The following RGN variants were observed in gnomAD, a reference collection of about 807,000 sequenced individuals.
RGN encodes epididymis secretory protein Li 41.
Under a neutral mutation model 20.6 loss-of-function variants are expected in RGN, and 19 were observed. That is an observed-to-expected ratio of 0.92 (90% confidence interval 0.64 to 1.35). The LOEUF is 1.35. Ranked by LOEUF, RGN falls within the 40% of genes most tolerant of loss-of-function variation. The pLI, the probability that RGN is intolerant of heterozygous loss-of-function variation, is 0.00. For missense variants in RGN, 302 were observed against 232.7 expected (o/e 1.30, Z -1.94); for synonymous variants, 85 against 87.2 (o/e 0.97, Z 0.14).
At chrX:47,091,545 A>T in intron 5 of RGN, 133 bp from the exon 6 acceptor site, 1 of 670,522 alleles carries the variant, frequency 1.5e-6, no homozygotes, top group Non-Finnish European at 2.1e-6. Flanking sequence ...TCCTTTGTTC[A>T]CATGCCAGAC....
At chrX:47,084,307 T>A in intron 3 of RGN, 111 bp from the exon 4 acceptor site, 1 of 606,577 alleles carries the variant, frequency 1.6e-6, no homozygotes, top group Non-Finnish European at 2.5e-6. Context: ...AGCGCTCCCA[T>A]TGTCACGAGA....
At chrX:47,092,645 AG>A (rs1556388368) in intron 7 of RGN, among the ~76,000 whole-genome samples, 2 of 112,248 alleles carry the variant, frequency 1.8e-5, no homozygotes, top group Non-Finnish European at 1.9e-5. Flanking sequence ...CCCCTTTCTT[AG>A]CAGGCGGCAG....
In RGN at chrX:47,081,247, C is replaced by T; in HGVS notation, c.103C>T (p.Pro35Ser). The T allele has an allele frequency of 1.7e-6, 2 of 1,209,704 alleles. No homozygotes were observed. Among genetic ancestry groups the T allele is most frequent in the Non-Finnish European group, 2.2e-6 (2 of 893,969 alleles). Reference protein sequence around the residue: ...VSNSLLFVDIPAKKVCRWDSF... With the variant: ...VSNSLLFVDISAKKVCRWDSF... Reference sequence around the variant, plus strand: ...CAACTCTCTGCTCTTTGTAGACATTCCTGCAAAAAAGGTTTGCCGGTGGGA... The same window carrying T: ...CAACTCTCTGCTCTTTGTAGACATTTCTGCAAAAAAGGTTTGCCGGTGGGA... The change falls in exon 3 of 8, where the codon CCT (proline) becomes TCT (serine). Residue 35 changes from proline to serine, a missense_variant. Pro to Ser is a moderately conservative substitution (Grantham distance 74). Coordinates refer to ENST00000397180, the MANE Select transcript of RGN (RefSeq NM_152869.4).
At chrX:47,092,284 T>G in intron 7 of RGN, 69 bp downstream of exon 7, 1 of 930,722 alleles carries the variant, frequency 1.1e-6, no homozygotes, top group Non-Finnish European at 1.5e-6. Context: ...AGTAACTGAG[T>G]GATTGGTACT....
At chrX:47,083,276 G>A (rs1430806468) in intron 3 of RGN, among the ~76,000 whole-genome samples, 2 of 108,688 alleles carry the variant, frequency 1.8e-5, no homozygotes, top group Admixed American at 2.0e-4. Context: ...AGCACAGCCT[G>A]TAGTCCCAGC....
Position 47,093,034 on chromosome X carries a change from A to T in RGN, c.*87A>T. On this transcript the variant is annotated 3_prime_UTR_variant, in exon 8 of 8. Coordinates refer to ENST00000397180, the MANE Select transcript of RGN (RefSeq NM_152869.4). Reference sequence around the variant, plus strand: ...AATTTCAATCTAGTTAGAAAGAAAAATGAGGCAATGATTTTATTAACAGCG... The same window carrying T: ...AATTTCAATCTAGTTAGAAAGAAAATTGAGGCAATGATTTTATTAACAGCG... 1.4e-6 allele frequency: 1 copy of T among 709,956 alleles called. No individual in the cohort carries two copies. The allele number at this position is 709,956 out of a possible 1,213,427, so 58.5% of individuals were successfully genotyped here.
Position 47,080,824 on chromosome X carries a change from C to T in RGN, c.-128C>T. The T allele has an allele frequency of 4.7e-6, 1 of 214,558 alleles. No homozygotes were observed. The highest frequency in any genetic ancestry group is 8.4e-6 in the Non-Finnish European group (1 of 119,702). 17.7% of individuals were successfully genotyped at this position (214,558 alleles called of 1,213,427 possible). On this transcript the variant is annotated 5_prime_UTR_variant, in exon 2 of 8. Coordinates refer to ENST00000397180, the MANE Select transcript of RGN (RefSeq NM_152869.4). ...CCAGGGTATTGACATAAAGGACGGC[C>T]TTGCACTATTTCAACAGCCAGTTCT... is the stretch of plus-strand genomic sequence containing the variant.
At chrX:47,090,436 C>T (rs1267146621) in intron 5 of RGN, among the ~76,000 whole-genome samples, 1 of 109,558 alleles carries the variant, frequency 9.1e-6, no homozygotes, top group Non-Finnish European at 1.9e-5. Flanking sequence ...CTTTAGTTAA[C>T]CATAGGCAAG....
rs781983504 is a variant in RGN, at chrX:47,092,108, T to C, written c.742T>C (p.Cys248Arg). ...GTTGCCTGTTGATAAAACAACTTCA[T>C]GCTGCTTTGGAGGGAAGAATTACTC... ...VKLPVDKTTS[C>R]CFGGKNYSEM... Residue 248 changes from cysteine (C) to arginine (R), a missense_variant, in exon 7 of 8, where the codon TGC (cysteine) becomes CGC (arginine). Transcript: ENST00000397180. 17 of 1,205,916 alleles carry C rather than the reference T, an allele frequency of 1.4e-5. No individual in the cohort carries two copies. Among genetic ancestry groups the C allele is most frequent in the Non-Finnish European group, 1.9e-5 (17 of 892,144 alleles).
chrX:47,086,528 T>C (rs1355792816), intron 4 of RGN, among the ~76,000 whole-genome samples: 1 of 110,529 alleles, frequency 9.0e-6, no homozygotes, highest in East Asian at 2.8e-4. Flanking sequence ...GCTGGATGGA[T>C]CCAGTTCAGG....
chrX:47,085,760 G>T (rs1930560471), intron 4 of RGN, among the ~76,000 whole-genome samples: 1 of 111,523 alleles, frequency 9.0e-6, no homozygotes, highest in South Asian at 3.8e-4. Context: ...GGGATTACAG[G>T]TGTGAGCCAC....
At chrX:47,083,680 G>A (rs939421100) in intron 3 of RGN, among the ~76,000 whole-genome samples, 2 of 111,979 alleles carry the variant, frequency 1.8e-5, no homozygotes, top group African/African-American at 6.5e-5. Flanking sequence ...TGAGGCCAAG[G>A]CGGGTGGATC....
At chrX:47,084,732 T>G in intron 4 of RGN, 132 bp downstream of exon 4, 1 of 521,009 alleles carries the variant, frequency 1.9e-6, no homozygotes, top group Admixed American at 4.1e-5. Context: ...GGCGAGTAGG[T>G]CGCATGAGCC....
At chrX:47,086,177 C>A (rs1240935897) in intron 4 of RGN, among the ~76,000 whole-genome samples, 1 of 111,059 alleles carries the variant, frequency 9.0e-6, no homozygotes, top group African/African-American at 3.3e-5. Context: ...TTTAATAGGG[C>A]ATTCCTTATT....
intron 2 of RGN, 21 bp from the exon 3 acceptor site, chrX:47,081,109 C>T (rs782040443): frequency 1.4e-4 from 160 of 1,153,924 alleles, no homozygotes; most frequent in Middle Eastern, 2.4e-4. Flanking sequence ...ACCTTTCACT[C>T]ACCTCTGTTA....
At position 47,090,306 on chromosome X, in the gene RGN, G is replaced by A. The variant is rs1602453025; in HGVS notation, c.562+315G>A. Among the ~76,000 whole-genome samples, 3 of 111,224 alleles carry A rather than the reference G, an allele frequency of 2.7e-5. 1 individual carries two copies. The highest frequency in any genetic ancestry group is 2.8e-4 in the East Asian group (1 of 3,559). ...TCCTTGCCATCATCACCAGAAAGAG[G>A]TTCACTGCAAAAGAGATCCTATTCT... On this transcript the variant is annotated intron_variant, in intron 5 of 7. Transcript: ENST00000397180.
At position 47,093,187 on chromosome X, in the gene RGN, T is replaced by A; in HGVS notation, c.*240T>A. 1 of 367,477 alleles carries A rather than the reference T, an allele frequency of 2.7e-6. No individual in the cohort carries two copies. The highest frequency in any genetic ancestry group is 4.7e-6 in the Non-Finnish European group (1 of 213,778). 30.3% of individuals were successfully genotyped at this position (367,477 alleles called of 1,213,427 possible). A position where few individuals can be genotyped will look rare whatever the true frequency, so the allele number is the denominator to read the frequency against. On this transcript the variant is annotated 3_prime_UTR_variant, in exon 8 of 8. Coordinates refer to ENST00000397180, the MANE Select transcript of RGN (RefSeq NM_152869.4). The stretch of plus-strand genomic sequence containing the variant: ...AGAAGGGCGAAGAATCGTTCAACTG[T>A]CAATCAGCCTCTTGATTCTTTGTAA...
intron 3 of RGN, among the ~76,000 whole-genome samples, chrX:47,083,311 A>G (rs978688903): frequency 1.8e-5 from 2 of 109,109 alleles, no homozygotes; most frequent in Admixed American, 2.0e-4. Flanking sequence ...AGGCAGGAGA[A>G]TCCTTTGAAC....
intron 1 of RGN, among the ~76,000 whole-genome samples, 197 bp downstream of exon 1, chrX:47,078,906 A>G (rs187746697): frequency 9.5e-6 from 1 of 105,733 alleles, no homozygotes; most frequent in African/African-American, 3.5e-5. Flanking sequence ...CTTATCTAAG[A>G]CTGATAGGAT....
Sources: allele counts gnomAD v4.1 joint callset (sites outside exome capture counted in the v4.1 genomes callset), GRCh38; gene constraint gnomAD v4.1.1; transcripts MANE v1.5; gene names NCBI Gene and HGNC (gene_info 2026-07-23, HGNC 2026-07-21).